Variants in SLC8A1 observed in about 807,000 individuals in gnomAD.
SLC8A1 encodes solute carrier family 8 member A1.
In SLC8A1, 18 loss-of-function variants were observed where a neutral mutation model predicts 68.3. That is an observed-to-expected ratio of 0.26 (90% confidence interval 0.18 to 0.39). SLC8A1 has a LOEUF of 0.39. SLC8A1 is among the 10% of genes least tolerant of loss of function. SLC8A1 has a pLI of 1.00. For synonymous variants in SLC8A1, 475 were observed against 415.5 expected (o/e 1.14, Z -1.74); for missense variants, 985 against 1,156.7 (o/e 0.85, Z 2.15).
rs538702856 is a variant in SLC8A1, at chr2:40,387,079, T to C, written c.1808+41394A>G. Among the ~76,000 whole-genome samples, 15 of 151,628 alleles carry C rather than the reference T, an allele frequency of 9.9e-5. 1 individual carries two copies. In the South Asian group the frequency reaches 2.5e-3, roughly 25 times the overall value. The stretch of plus-strand genomic sequence containing the variant: ...CCTTTATGAAGATCCAAAGAATGAA[T>C]GATTCATTGGAAACAAGTATGTTCC... On this transcript the variant is annotated intron_variant, in intron 2 of 7. Coordinates refer to ENST00000406785, the Ensembl canonical transcript of SLC8A1.
chr2:40,307,144 T>TACACACACACACACACAC (rs753955915), intron 2 of SLC8A1, among the ~76,000 whole-genome samples: 7 of 101,130 alleles, frequency 6.9e-5, no homozygotes, highest in African/African-American at 2.2e-4. Context: ...GAAAATGTGA[T>TACACACACACACACACAC]ATACACACAC....
At chr2:40,375,264 C>T (rs1220682375) in intron 2 of SLC8A1, among the ~76,000 whole-genome samples, 1 of 151,916 alleles carries the variant, frequency 6.6e-6, no homozygotes, top group Non-Finnish European at 1.5e-5. Context: ...ATATTAGTAC[C>T]TTTGGCTTTG....
At chr2:40,454,025 T>C (rs959914362), upstream of SLC8A1, among the ~76,000 whole-genome samples, 3 of 152,180 alleles carry the variant, frequency 2.0e-5, no homozygotes, top group Non-Finnish European at 2.9e-5. Context: ...AGACTACACT[T>C]ACTAGTGGAT....
intron 2 of SLC8A1, among the ~76,000 whole-genome samples, chr2:40,423,592 A>G (rs535523602): frequency 1.3e-5 from 2 of 152,162 alleles, no homozygotes; most frequent in African/African-American, 4.8e-5. Context: ...AAACACTTCA[A>G]TGTGGCTGAA....
chr2:40,103,179 A>C (rs1241046336), exon 8 of SLC8A1: 3 of 152,182 alleles, frequency 2.0e-5, no homozygotes, highest in Non-Finnish European at 4.4e-5. Context: ...GAGAAAGCTT[A>C]CATTTATTCC....
intron 2 of SLC8A1, among the ~76,000 whole-genome samples, chr2:40,410,640 T>G (rs1378941836): frequency 2.6e-5 from 4 of 151,668 alleles, no homozygotes; most frequent in African/African-American, 9.7e-5. Context: ...ATATGTACAC[T>G]ATAGTTAAAT....
chr2:40,208,018 C>CTCTCT (rs2055822534), intron 2 of SLC8A1, among the ~76,000 whole-genome samples: 2 of 152,100 alleles, frequency 1.3e-5, no homozygotes, highest in Admixed American at 1.3e-4. Flanking sequence ...CAAGAGCTTC[C>CTCTCT]TCTCTTCTTG....
intron 1 of SLC8A1, among the ~76,000 whole-genome samples, chr2:40,438,700 T>C (rs1422311842): frequency 6.6e-6 from 1 of 152,176 alleles, no homozygotes; most frequent in Admixed American, 6.5e-5. Flanking sequence ...CATAGAGCAA[T>C]GATTCTCCAA....
chr2:40,392,534 C>G (rs898227527), intron 2 of SLC8A1, among the ~76,000 whole-genome samples: 12 of 152,044 alleles, frequency 7.9e-5, no homozygotes, highest in Non-Finnish European at 1.5e-5. Flanking sequence ...GTATCACAAG[C>G]AGCTTGACAT....
At chr2:40,308,720 A>C (rs530014738) in intron 2 of SLC8A1, among the ~76,000 whole-genome samples, 1 of 152,278 alleles carries the variant, frequency 6.6e-6, no homozygotes, top group Non-Finnish European at 1.5e-5. Context: ...ATAGGGGCTC[A>C]GTCCTATGGG....
At chr2:40,462,204 A>C (rs1269714775) in intron 1 of SLC8A1, among the ~76,000 whole-genome samples, 2 of 151,318 alleles carry the variant, frequency 1.3e-5, no homozygotes, top group Non-Finnish European at 1.5e-5. Context: ...ATGGGGTTTC[A>C]CCATGTTTGC....
chr2:40,131,398 G>A (rs2039303275), intron 7 of SLC8A1, among the ~76,000 whole-genome samples: 1 of 152,208 alleles, frequency 6.6e-6, no homozygotes, highest in Non-Finnish European at 1.5e-5. Context: ...GAAGTAGGAT[G>A]GGATGAGAAG....
At chr2:40,433,765 A>G (rs1013987194) in intron 1 of SLC8A1, among the ~76,000 whole-genome samples, 1 of 152,144 alleles carries the variant, frequency 6.6e-6, no homozygotes, top group Admixed American at 6.6e-5. Context: ...CTGCTCCATT[A>G]TATCATCCCT....
chr2:40,110,659 C>T (rs2034501748), exon 8 of SLC8A1: 1 of 152,118 alleles, frequency 6.6e-6, no homozygotes, highest in East Asian at 1.9e-4. Flanking sequence ...TGCTGTCAAT[C>T]ATAAAATGGC....
chr2:40,395,368 C>G (rs1260678107), intron 2 of SLC8A1, among the ~76,000 whole-genome samples: 1 of 152,118 alleles, frequency 6.6e-6, no homozygotes, highest in Non-Finnish European at 1.5e-5. Flanking sequence ...TGTAAACATA[C>G]CTATCTAGAA....
chr2:40,365,655 C>G (rs529571772), intron 2 of SLC8A1, among the ~76,000 whole-genome samples: 21 of 152,134 alleles, frequency 1.4e-4, no homozygotes, highest in Admixed American at 1.1e-3. Flanking sequence ...TCTATACCTA[C>G]ATTTACACAC....
chr2:40,164,333 G>A (rs893293912), intron 5 of SLC8A1, among the ~76,000 whole-genome samples: 2 of 152,080 alleles, frequency 1.3e-5, no homozygotes, highest in African/African-American at 4.8e-5. Flanking sequence ...CTCTGCATTC[G>A]GTATATTGAC....
chr2:40,208,919 A>G (rs1176001595), intron 2 of SLC8A1: 6 of 152,156 alleles, frequency 3.9e-5, no homozygotes, highest in African/African-American at 1.2e-4. Context: ...GGCCTTTGAG[A>G]TGGTTTAGTC....
At chr2:40,115,361 A>G in exon 8 of SLC8A1, 1 of 1,614,144 alleles carries the variant, frequency 6.2e-7, no homozygotes, top group Non-Finnish European at 8.5e-7. Flanking sequence ...TCCGGGGCCC[A>G]CCCAGCTCAC....
Sources: gnomAD v4.1 joint callset for allele counts (sites outside exome capture counted in the v4.1 genomes callset) on GRCh38, gnomAD v4.1.1 for gene constraint, MANE v1.5 for transcripts, NCBI Gene and HGNC (gene_info 2026-07-23, HGNC 2026-07-21) for gene names.